IGFBP7: variants seen among roughly 807,000 people sequenced by gnomAD.
The protein encoded by IGFBP7 is insulin like growth factor binding protein 7.
IGFBP7 carries 31 observed loss-of-function variants against 29.4 expected under a neutral mutation model. The observed-to-expected ratio is 1.05, with a 90% confidence interval of 0.79 to 1.42. The LOEUF is 1.42. Ranked by LOEUF, IGFBP7 falls within the 40% of genes most tolerant of loss-of-function variation. The pLI is 0.00. For missense variants in IGFBP7, 393 were observed against 395.5 expected (o/e 0.99, Z 0.05); for synonymous variants, 172 against 174.9 (o/e 0.98, Z 0.13).
intron 1 of IGFBP7, among the ~76,000 whole-genome samples, chr4:57,086,446 A>G (rs1321825778): frequency 6.6e-6 from 1 of 152,172 alleles, no homozygotes; most frequent in Non-Finnish European, 1.5e-5. Flanking sequence ...TGGACTTTCC[A>G]GTGAAAACCT....
chr4:57,077,929 G>A (rs76795203), intron 1 of IGFBP7, among the ~76,000 whole-genome samples: 3,839 of 152,250 alleles, frequency 0.025, 79 homozygotes, highest in Non-Finnish European at 0.037. Flanking sequence ...GGCACACAGA[G>A]CACTCAATCA....
chr4:57,031,371 C>G (rs769087236), intron 4 of IGFBP7, 35 bp from the exon 5 acceptor site: 25 of 1,536,614 alleles, frequency 1.6e-5, no homozygotes, highest in Non-Finnish European at 2.1e-5. Flanking sequence ...AAATTAGTTA[C>G]ATATGGGGAT....
intron 1 of IGFBP7, among the ~76,000 whole-genome samples, chr4:57,069,906 A>AACCCTGTCTCTACTAAAAAT (rs1328363381): frequency 1.3e-5 from 2 of 152,080 alleles, no homozygotes; most frequent in Non-Finnish European, 2.9e-5. Flanking sequence ...AACATGACAA[A>AACCCTGTCTCTACTAAAAAT]ACCCTGTCTC....
chr4:57,065,888 C>G (rs1724909593), intron 1 of IGFBP7, among the ~76,000 whole-genome samples: 1 of 152,166 alleles, frequency 6.6e-6, no homozygotes, highest in Non-Finnish European at 1.5e-5. Flanking sequence ...TTATCTCTCT[C>G]TGCTCCACGG....
Position 57,042,961 on chromosome 4 carries a change from C to A in IGFBP7, c.476-2028G>T, listed in dbSNP as rs545689651. ...CATTTTCCAGAGCTGATGCAAGTAA[C>A]CCCCTGGGTGATTTCTGGTTTGGCT... On this transcript the variant is annotated intron_variant, in intron 1 of 4. Coordinates refer to ENST00000295666, the MANE Select transcript of IGFBP7 (RefSeq NM_001553.3). Among the ~76,000 whole-genome samples the A allele has an allele frequency of 1.1e-4, 17 of 152,300 alleles. 1 individual carries two copies. The highest frequency in any genetic ancestry group is 1.1e-3 in the Admixed American group (17 of 15,306).
intron 1 of IGFBP7, among the ~76,000 whole-genome samples, chr4:57,041,357 G>T (rs1359975454): frequency 2.0e-5 from 3 of 151,600 alleles, no homozygotes; most frequent in Non-Finnish European, 4.4e-5. Context: ...GGGTAATGAA[G>T]AAAAAAAATC....
intron 1 of IGFBP7, among the ~76,000 whole-genome samples, chr4:57,088,390 T>G (rs928381340): frequency 6.6e-6 from 1 of 152,204 alleles, no homozygotes; most frequent in East Asian, 1.9e-4. Context: ...ATAAAAATAT[T>G]GAGGTTCCGA....
At chr4:57,033,533 TG>T (rs1724003927) in intron 2 of IGFBP7, among the ~76,000 whole-genome samples, 2 of 152,218 alleles carry the variant, frequency 1.3e-5, no homozygotes, top group Admixed American at 6.5e-5. Flanking sequence ...TTTAAACTAA[TG>T]TATTTTTCTG....
At chr4:57,036,572 C>A (rs902026719) in intron 2 of IGFBP7, among the ~76,000 whole-genome samples, 4 of 152,162 alleles carry the variant, frequency 2.6e-5, no homozygotes, top group Non-Finnish European at 5.9e-5. Context: ...TTTCAGTTCA[C>A]GTTCCCATTT....
chr4:57,077,748 G>C (rs188950657), intron 1 of IGFBP7, among the ~76,000 whole-genome samples: 3 of 152,168 alleles, frequency 2.0e-5, no homozygotes, highest in African/African-American at 7.2e-5. Flanking sequence ...GAACTGCCGC[G>C]TCACTCACAG....
chr4:57,039,780 A>G (rs1318066134), intron 2 of IGFBP7, among the ~76,000 whole-genome samples: 1 of 149,248 alleles, frequency 6.7e-6, no homozygotes, highest in Non-Finnish European at 1.5e-5. Context: ...ATGCCTCACC[A>G]TGCCCAGCTA....
intron 1 of IGFBP7, among the ~76,000 whole-genome samples, chr4:57,080,688 T>C (rs1725345062): frequency 6.6e-6 from 1 of 152,172 alleles, no homozygotes; most frequent in Non-Finnish European, 1.5e-5. Flanking sequence ...CCACCACACC[T>C]GGCTGACATT....
At chr4:57,036,648 C>A (rs1321957274) in intron 2 of IGFBP7, among the ~76,000 whole-genome samples, 1 of 152,122 alleles carries the variant, frequency 6.6e-6, no homozygotes, top group Non-Finnish European at 1.5e-5. Context: ...CTTGTTAAAG[C>A]CAGCTTTCCT....
intron 1 of IGFBP7, among the ~76,000 whole-genome samples, chr4:57,092,092 A>G (rs1377607114): frequency 1.3e-5 from 2 of 152,208 alleles, no homozygotes; most frequent in African/African-American, 4.8e-5. Flanking sequence ...TTCTGTGAAA[A>G]AAAATCTTAA....
chr4:57,056,348 T>TAA (rs1431297330), intron 1 of IGFBP7, among the ~76,000 whole-genome samples: 1 of 152,224 alleles, frequency 6.6e-6, no homozygotes, highest in East Asian at 1.9e-4. Context: ...ATGCTCCTCT[T>TAA]ACGCTAGTGT....
chr4:57,075,587 A>T (rs1725202485), intron 1 of IGFBP7, among the ~76,000 whole-genome samples: 1 of 152,140 alleles, frequency 6.6e-6, no homozygotes, highest in Admixed American at 6.5e-5. Flanking sequence ...TTCTAATGAG[A>T]TTTCTGCAAG....
intron 1 of IGFBP7, among the ~76,000 whole-genome samples, chr4:57,099,739 C>T (rs7666436): frequency 0.98 from 148,667 of 152,298 alleles, 72,676 homozygotes; most frequent in East Asian, 1. Flanking sequence ...CTAAGGTTTT[C>T]CTATTTTTTG....
At chr4:57,070,746 A>G (rs541346087) in intron 1 of IGFBP7, among the ~76,000 whole-genome samples, 2 of 152,364 alleles carry the variant, frequency 1.3e-5, no homozygotes, top group South Asian at 4.1e-4. Context: ...TGAAAGTCTA[A>G]GACAACACAA....
chr4:57,069,385 C>A (rs568769085), intron 1 of IGFBP7, among the ~76,000 whole-genome samples: 1 of 151,872 alleles, frequency 6.6e-6, no homozygotes, highest in Non-Finnish European at 1.5e-5. Flanking sequence ...GCCAGATGTT[C>A]GAGACCAGCC....
Sources: allele counts gnomAD v4.1 joint callset (sites outside exome capture counted in the v4.1 genomes callset), GRCh38; gene constraint gnomAD v4.1.1; transcripts MANE v1.5; gene names NCBI Gene and HGNC (gene_info 2026-07-23, HGNC 2026-07-21).